The following NET1 variants were observed in gnomAD, a reference collection of about 807,000 sequenced individuals.
NET1 encodes neuroepithelial cell transforming 1, also known as neuroepithelial cell-transforming gene 1 protein.
Under a neutral mutation model 61.1 loss-of-function variants are expected in NET1, and 42 were observed. The ratio of observed to expected loss-of-function variants is 0.69; its 90% CI spans 0.54 to 0.89. The LOEUF (loss-of-function observed/expected upper bound fraction) is 0.89, where lower values mean the gene tolerates loss of function less well. NET1 is among the 40% of genes least tolerant of loss of function. The probability of loss-of-function intolerance (pLI) is 0.00; values close to 1 mark genes in which losing one functional copy is unlikely to be tolerated. For synonymous variants in NET1, 254 were observed against 281.8 expected (o/e 0.90, Z 0.99); for missense variants, 654 against 747.3 (o/e 0.88, Z 1.46).
rs186435920 is a variant in NET1 at position 5,434,355 on chromosome 10, A to G, written c.255+5126A>G. Among the ~76,000 whole-genome samples, 6 of 152,254 alleles carry G rather than the reference A, an allele frequency of 3.9e-5. No homozygotes were observed. The East Asian group carries it at 9.7e-4, about 25-fold the overall frequency. ...GGAGTCTACTCCTAGGAGTTTTTCT[A>G]AAAGAAGTATCAGTTTCAAGAGTTT... On this transcript the variant is annotated intron_variant, in intron 3 of 11. Coordinates refer to ENST00000355029, the MANE Select transcript of NET1 (RefSeq NM_001047160.3).
Position 5,451,742 on chromosome 10 carries a change from T to G in NET1, c.256-88T>G. Reference sequence around the variant, plus strand: ...TGTATTTTATAATGTACAAAAATTGTTTTGTGAGAGGGCTTTACTTTGTCC... The same window carrying G: ...TGTATTTTATAATGTACAAAAATTGGTTTGTGAGAGGGCTTTACTTTGTCC... On this transcript the variant is annotated intron_variant, in intron 3 of 11. Transcript: ENST00000355029. This position sits in a 1 kb window ranked among gnomAD's most constrained non-coding sequence, Gnocchi z 6.1. 1.1e-6 allele frequency: 1 copy of G among 932,164 alleles called. No homozygotes were observed. Among genetic ancestry groups the G allele is most frequent in the Non-Finnish European group, 1.6e-6 (1 of 617,736 alleles). The allele number at this position is 932,164 out of a possible 1,614,324, so 57.7% of individuals were successfully genotyped here.
At position 5,420,657 on chromosome 10, in the gene NET1, G is replaced by T. The variant is rs543705005; in HGVS notation, c.129-5998G>T. Among the ~76,000 whole-genome samples, 1 of 151,998 alleles carries T rather than the reference G, an allele frequency of 6.6e-6. No homozygotes were observed. The highest frequency in any genetic ancestry group is 2.4e-5 in the African/African-American group (1 of 41,358). On this transcript the variant is annotated intron_variant, in intron 1 of 11. Transcript: ENST00000355029. The surrounding 1 kb of genome is among the most constrained non-coding windows in gnomAD (Gnocchi z 5.3). ...TGTCGCCAGGCTGGAGTGCAGTGGC[G>T]CGATCTCGGCTCACTGTAGCCTCCG...
rs767299959 is a variant in NET1, at chr10:5,428,038, C to CCTTTTTTTTTTTTTTTTTTTTTTTTTTTT, written c.196-1132_196-1131insCTTTTTTTTTTTTTTTTTTTTTTTTTTTT. On this transcript the variant is annotated intron_variant, in intron 2 of 11. Transcript: ENST00000355029. ...CACTTCTATCTGGACTTTGCCGTTCCTTTTTTTTTTTTTTTTTTTTTTTTT... is the reference window on the plus strand; with the variant it reads ...CACTTCTATCTGGACTTTGCCGTTCCCTTTTTTTTTTTTTTTTTTTTTTTTTTTTTTTTTTTTTTTTTTTTTTTTTTTTT... Among the ~76,000 whole-genome samples the CCTTTTTTTTTTTTTTTTTTTTTTTTTTTT allele has an allele frequency of 1.3e-4, 15 of 113,904 alleles. 7 individuals are homozygous for CCTTTTTTTTTTTTTTTTTTTTTTTTTTTT. Among genetic ancestry groups the CCTTTTTTTTTTTTTTTTTTTTTTTTTTTT allele is most frequent in the South Asian group, 5.5e-4 (2 of 3,662 alleles). The allele number at this position is 113,904 out of a possible 152,430, so 74.7% of individuals were successfully genotyped here.
In NET1 at chr10:5,431,761, G is replaced by GT. The variant is rs1381114088; in HGVS notation, c.255+2540dup. The stretch of plus-strand genomic sequence containing the variant: ...TAAATACTTGTTTTACATGGATTCA[G>GT]TTTTTTTTAAATTTTGTTTTGTAGA... On this transcript the variant is annotated intron_variant, in intron 3 of 11. Coordinates refer to ENST00000355029, the MANE Select transcript of NET1 (RefSeq NM_001047160.3). This position sits in a 1 kb window ranked among gnomAD's most constrained non-coding sequence, Gnocchi z 4.9. Among the ~76,000 whole-genome samples the GT allele has an allele frequency of 4.0e-5, 6 of 151,700 alleles. No homozygotes were observed. The highest frequency in any genetic ancestry group is 4.2e-4 in the South Asian group (2 of 4,796).
chr10:5,413,224 A>G (rs1033592083), intron 1 of NET1, among the ~76,000 whole-genome samples: 5 of 152,156 alleles, frequency 3.3e-5, no homozygotes, highest in African/African-American at 9.7e-5. Context: ...AAAAACCACA[A>G]TGGTTTTGTT....
chr10:5,456,048 A>G lies in NET1; in HGVS notation c.1198-39A>G. The G allele has an allele frequency of 1.9e-6, 3 of 1,568,666 alleles. No individual in the cohort carries two copies. The highest frequency in any genetic ancestry group is 2.3e-5 in the East Asian group (1 of 44,318). On this transcript the variant is annotated intron_variant, in intron 10 of 11. Coordinates refer to ENST00000355029, the MANE Select transcript of NET1 (RefSeq NM_001047160.3). The surrounding 1 kb of genome is among the most constrained non-coding windows in gnomAD (Gnocchi z 7.0). Reference sequence around the variant, plus strand: ...CAATATATTTCAGTCACTTAAAAACACAAGTTTCCTATTTAGCGTTTGTTT... The same window carrying G: ...CAATATATTTCAGTCACTTAAAAACGCAAGTTTCCTATTTAGCGTTTGTTT...
Position 5,452,407 on chromosome 10 carries a change from T to C in NET1, c.413T>C (p.Phe138Ser). The C allele has an allele frequency of 6.2e-7, 1 of 1,614,018 alleles. No homozygotes were observed. Among genetic ancestry groups the C allele is most frequent in the South Asian group, 1.1e-5 (1 of 91,050 alleles). ...DHRSPASAQK[F>S]SSRSTVPTPA... ...AGATCCCCAGCCTCTGCCCAGAAGT[T>C]TTCTAGCAGGTCAACAGTCCCAACA... is the stretch of plus-strand genomic sequence containing the variant. The change falls in exon 5 of 12, where the codon TTT becomes TCT. Residue 138 changes from phenylalanine (F) to serine (S), a missense_variant. Transcript: ENST00000355029. The surrounding 1 kb of genome is among the most constrained non-coding windows in gnomAD (Gnocchi z 4.0).
chr10:5,412,594 T>A lies in NET1; in HGVS notation c.-99T>A, dbSNP rs1832011757. 2.3e-6 allele frequency: 3 copies of A among 1,317,430 alleles called. No individual in the cohort carries two copies. In the East Asian group the frequency reaches 9.4e-5, roughly 41 times the overall value. The allele number at this position is 1,317,430 out of a possible 1,614,324, so 81.6% of individuals were successfully genotyped here. ...GACGGCGGTGGCGGCTGCAGTCCGC[T>A]GACAGGCGCTTTCTGCCTGGCAGAG... On this transcript the variant is annotated 5_prime_UTR_variant, in exon 1 of 12. It removes the in-frame stop codon of an upstream open reading frame in the 5' UTR. Coordinates refer to ENST00000355029, the MANE Select transcript of NET1 (RefSeq NM_001047160.3). This position sits in a 1 kb window ranked among gnomAD's most constrained non-coding sequence, Gnocchi z 6.5.
rs1198598903 is a variant in NET1 at position 5,420,458 on chromosome 10, T to C, written c.129-6197T>C. On this transcript the variant is annotated intron_variant, in intron 1 of 11. Transcript: ENST00000355029. This position sits in a 1 kb window ranked among gnomAD's most constrained non-coding sequence, Gnocchi z 5.3. ...AGGTTGTTTGTTGATACATCTCCTCTATACACCTGTGCAAGTTTCTCTGGG... is the reference window on the plus strand; with the variant it reads ...AGGTTGTTTGTTGATACATCTCCTCCATACACCTGTGCAAGTTTCTCTGGG... Among the ~76,000 whole-genome samples, 1 of 152,224 alleles carries C rather than the reference T, an allele frequency of 6.6e-6. No individual in the cohort carries two copies. The highest frequency in any genetic ancestry group is 2.4e-5 in the African/African-American group (1 of 41,460).
chr10:5,445,921 A>T (rs902874848), intron 3 of NET1, among the ~76,000 whole-genome samples: 3 of 152,222 alleles, frequency 2.0e-5, no homozygotes, highest in African/African-American at 7.2e-5. Context: ...TGTATACAAT[A>T]TAGAGAACAG....
rs1203498255 is a variant in NET1, at chr10:5,438,910, C to T, written c.255+9681C>T. Among the ~76,000 whole-genome samples the T allele has an allele frequency of 2.0e-5, 3 of 152,296 alleles. No individual in the cohort carries two copies. The East Asian group carries it at 5.8e-4, about 29-fold the overall frequency. ...GAGCACACTGAACCTTCATGCCTGC[C>T]ATCATGGCTCCTGTGCTCATGGGTC... is the stretch of plus-strand genomic sequence containing the variant. On this transcript the variant is annotated intron_variant, in intron 3 of 11. Coordinates refer to ENST00000355029, the MANE Select transcript of NET1 (RefSeq NM_001047160.3).
At chr10:5,433,053 T>C (rs1225993381) in intron 3 of NET1, among the ~76,000 whole-genome samples, 1 of 152,212 alleles carries the variant, frequency 6.6e-6, no homozygotes, top group African/African-American at 2.4e-5. Flanking sequence ...TTAATGCATT[T>C]AAGGCAGTAA....
At position 5,447,465 on chromosome 10, in the gene NET1, A is replaced by C. The variant is rs1457759558; in HGVS notation, c.256-4365A>C. ...AAATTACTTTATGCCATTTTATGTA[A>C]TCTTGATTTAACATTGTGTGATATT... On this transcript the variant is annotated intron_variant, in intron 3 of 11. Transcript: ENST00000355029. This position sits in a 1 kb window ranked among gnomAD's most constrained non-coding sequence, Gnocchi z 4.1. Among the ~76,000 whole-genome samples the C allele has an allele frequency of 6.6e-6, 1 of 152,166 alleles. No individual in the cohort carries two copies. Among genetic ancestry groups the C allele is most frequent in the East Asian group, 1.9e-4 (1 of 5,196 alleles).
intron 1 of NET1, among the ~76,000 whole-genome samples, chr10:5,419,420 T>G (rs1225691270): frequency 6.6e-6 from 1 of 152,220 alleles, no homozygotes; most frequent in Non-Finnish European, 1.5e-5. Context: ...TTTATTGATA[T>G]AGTTGGATTT....
rs1343737762 is a variant in NET1, at chr10:5,416,784, A to G, written c.128+3964A>G. On this transcript the variant is annotated intron_variant, in intron 1 of 11. Coordinates refer to ENST00000355029, the MANE Select transcript of NET1 (RefSeq NM_001047160.3). This position sits in a 1 kb window ranked among gnomAD's most constrained non-coding sequence, Gnocchi z 6.1. ...CCTCTAGGGGAACATATAGATAGGC[A>G]GGCTGTGGGGCTCCAACCCCATAGC... Among the ~76,000 whole-genome samples the G allele has an allele frequency of 6.6e-6, 1 of 152,128 alleles. No homozygotes were observed. Among genetic ancestry groups the G allele is most frequent in the African/African-American group, 2.4e-5 (1 of 41,428 alleles).
At chr10:5,433,419 A>G (rs1222906420) in intron 3 of NET1, among the ~76,000 whole-genome samples, 1 of 152,202 alleles carries the variant, frequency 6.6e-6, no homozygotes, top group African/African-American at 2.4e-5. Context: ...GGACCTGTAA[A>G]GCCAAAAGTA....
chr10:5,428,544 TTTTCTC>T lies in NET1; in HGVS notation c.196-624_196-619del, dbSNP rs1174079158. 4.6e-5 allele frequency among the ~76,000 whole-genome samples: 7 copies of T among 151,858 alleles called. No individual in the cohort carries two copies. The East Asian group carries it at 1.2e-3, about 25-fold the overall frequency. On this transcript the variant is annotated intron_variant, in intron 2 of 11. Transcript: ENST00000355029. ...ATTTTATATTTAAAAAATTTTTACT[TTTTCTC>T]TAACAAGTACAGACAGCCCTTGATT...
chr10:5,440,211 T>G lies in NET1; in HGVS notation c.255+10982T>G, dbSNP rs1211397254. 6.6e-6 allele frequency among the ~76,000 whole-genome samples: 1 copy of G among 152,250 alleles called. No individual in the cohort carries two copies. The highest frequency in any genetic ancestry group is 1.5e-5 in the Non-Finnish European group (1 of 68,048). On this transcript the variant is annotated intron_variant, in intron 3 of 11. Coordinates refer to ENST00000355029, the MANE Select transcript of NET1 (RefSeq NM_001047160.3). This position sits in a 1 kb window ranked among gnomAD's most constrained non-coding sequence, Gnocchi z 4.1. ...AAATATCCGGTCCTTGCCGACTTTGTGACAGAAAACAAAGTGAACAGCTTC... is the reference window on the plus strand; with the variant it reads ...AAATATCCGGTCCTTGCCGACTTTGGGACAGAAAACAAAGTGAACAGCTTC...
rs1832356055 is a variant in NET1, at chr10:5,431,890, C to T, written c.255+2661C>T. 6.6e-6 allele frequency among the ~76,000 whole-genome samples: 1 copy of T among 152,154 alleles called. No individual in the cohort carries two copies. The highest frequency in any genetic ancestry group is 2.4e-5 in the African/African-American group (1 of 41,430). ...AAGTGCTGGGATTACAGGCATGAGC[C>T]ACCACGCCTGGCCTCATTTCAGTTA... is the stretch of plus-strand genomic sequence containing the variant. On this transcript the variant is annotated intron_variant, in intron 3 of 11. Transcript: ENST00000355029. The surrounding 1 kb of genome is among the most constrained non-coding windows in gnomAD (Gnocchi z 4.9).
Sources: allele counts gnomAD v4.1 joint callset (sites outside exome capture counted in the v4.1 genomes callset), GRCh38; gene constraint gnomAD v4.1.1; non-coding constraint Gnocchi (gnomAD v3.1); transcripts MANE v1.5; gene names NCBI Gene and HGNC (gene_info 2026-07-23, HGNC 2026-07-21).